Variants in ELOVL2 observed in about 807,000 individuals in gnomAD.
The protein encoded by ELOVL2 is ELOVL fatty acid elongase 2.
In ELOVL2, 38 loss-of-function variants were observed where a neutral mutation model predicts 37.7. The ratio of observed to expected loss-of-function variants is 1.01; its 90% CI spans 0.78 to 1.32. ELOVL2 has a LOEUF of 1.32. Among genes scored for constraint, ELOVL2 ranks in the 40% most tolerant of loss-of-function variants. The probability of loss-of-function intolerance (pLI) is 0.00; values close to 1 mark genes in which losing one functional copy is unlikely to be tolerated. For missense variants in ELOVL2, 352 were observed against 363.6 expected, an observed-to-expected ratio of 0.97 and a Z score of 0.26; for synonymous variants, 115 against 122.3, an observed-to-expected ratio of 0.94 and a Z score of 0.40.
chr6:11,006,582 T>C (rs1009370866), intron 2 of ELOVL2, among the ~76,000 whole-genome samples: 4 of 152,246 alleles, frequency 2.6e-5, no homozygotes, highest in African/African-American at 9.6e-5. Context: ...TAAGTCCCTT[T>C]CTGGTGCATC....
chr6:11,005,411 A>G lies in ELOVL2; in HGVS notation c.216T>C (p.Asn72=), dbSNP rs1180311849. The G allele has an allele frequency of 6.2e-7, 1 of 1,614,000 alleles. No individual in the cohort carries two copies. Among genetic ancestry groups the G allele is most frequent in the African/African-American group, 1.3e-5 (1 of 74,932 alleles). ...LSLRGILTLY[N]LGITLLSAYM... ...ACGCGGAGAGAAGTGTGATTCCAAG[A>G]TTATACAAGGTGAGGATACCCCTGA... Residue 72 remains asparagine, a synonymous_variant, in exon 3 of 8, where the codon AAT becomes AAC. Transcript: ENST00000354666.
chr6:10,985,661 T>TA (rs1200332419), intron 7 of ELOVL2, among the ~76,000 whole-genome samples: 2 of 151,932 alleles, frequency 1.3e-5, no homozygotes, highest in Non-Finnish European at 2.9e-5. Context: ...TAGTTGTAGA[T>TA]ACGCAGCATT....
intron 2 of ELOVL2, 100 bp downstream of exon 2, chr6:11,010,646 A>T: frequency 1.1e-6 from 1 of 949,036 alleles, no homozygotes; most frequent in Non-Finnish European, 1.7e-6. Flanking sequence ...TAAGTACCTT[A>T]CTATTTCCAA....
At chr6:11,008,247 A>G (rs544227010) in intron 2 of ELOVL2, among the ~76,000 whole-genome samples, 34 of 152,338 alleles carry the variant, frequency 2.2e-4, no homozygotes, top group Admixed American at 4.6e-4. Flanking sequence ...CAATTTTACA[A>G]TCTCCTTGCT....
At chr6:10,990,609 C>G (rs12211241) in intron 5 of ELOVL2, among the ~76,000 whole-genome samples, 167 bp from the exon 6 acceptor site, 1 of 151,610 alleles carries the variant, frequency 6.6e-6, no homozygotes, top group South Asian at 2.1e-4. Flanking sequence ...TGTGCCAGTT[C>G]TAGGATTCAC....
chr6:11,041,326 G>A (rs1277725379), intron 1 of ELOVL2, among the ~76,000 whole-genome samples: 1 of 151,920 alleles, frequency 6.6e-6, no homozygotes, highest in Non-Finnish European at 1.5e-5. Flanking sequence ...ATTCTCTTTC[G>A]GAACATGAAA....
chr6:11,016,085 T>C (rs555397273), intron 1 of ELOVL2, among the ~76,000 whole-genome samples: 2 of 141,388 alleles, frequency 1.4e-5, no homozygotes, highest in Admixed American at 1.5e-4. Context: ...AGGATAGGAC[T>C]CTTGATTCCA....
At chr6:10,996,708 A>G (rs1461205842) in intron 4 of ELOVL2, among the ~76,000 whole-genome samples, 3 of 148,570 alleles carry the variant, frequency 2.0e-5, no homozygotes, top group East Asian at 4.0e-4. Context: ...CTGGGCGTGG[A>G]GGCTCACGCC....
intron 1 of ELOVL2, among the ~76,000 whole-genome samples, chr6:11,041,845 G>T (rs1783102477): frequency 6.6e-6 from 1 of 152,022 alleles, no homozygotes; most frequent in Non-Finnish European, 1.5e-5. Context: ...AAGGAAATTT[G>T]AAAGAAAAAA....
At chr6:11,029,461 G>A (rs1782888119) in intron 1 of ELOVL2, among the ~76,000 whole-genome samples, 1 of 152,154 alleles carries the variant, frequency 6.6e-6, no homozygotes. Flanking sequence ...ATCTATGACA[G>A]GCCTGTACAC....
chr6:11,040,370 A>G (rs768195818), intron 1 of ELOVL2, among the ~76,000 whole-genome samples: 2 of 152,198 alleles, frequency 1.3e-5, no homozygotes, highest in Non-Finnish European at 2.9e-5. Context: ...GTGGCCACTG[A>G]GCCGCTGAAA....
At chr6:11,014,282 C>T (rs1011123929) in intron 1 of ELOVL2, among the ~76,000 whole-genome samples, 12 of 152,094 alleles carry the variant, frequency 7.9e-5, no homozygotes, top group African/African-American at 1.2e-4. Context: ...AGTTCGAAAC[C>T]GGTTTGGCCA....
At chr6:11,042,556 T>C (rs1783114755) in intron 1 of ELOVL2, among the ~76,000 whole-genome samples, 1 of 151,906 alleles carries the variant, frequency 6.6e-6, no homozygotes, top group East Asian at 1.9e-4. Context: ...TTCCTACCTA[T>C]ACTTTAGGAC....
intron 5 of ELOVL2, among the ~76,000 whole-genome samples, chr6:10,993,087 A>C (rs905087611): frequency 6.6e-6 from 1 of 151,690 alleles, no homozygotes; most frequent in East Asian, 2.0e-4. Flanking sequence ...TATAACCAAC[A>C]ATACTGAAAA....
At chr6:10,995,890 T>G (rs572226675) in intron 4 of ELOVL2, among the ~76,000 whole-genome samples, 2 of 152,356 alleles carry the variant, frequency 1.3e-5, no homozygotes, top group East Asian at 3.9e-4. Flanking sequence ...AACTTTCCTC[T>G]GCTCTTCTAA....
chr6:11,043,953 G>A lies in ELOVL2; in HGVS notation c.3+275C>T, dbSNP rs561908043. On this transcript the variant is annotated intron_variant, in intron 1 of 7. Transcript: ENST00000354666. ...GCAACAGGGGACTGGGCGCGAGCGG[G>A]CGCCTCGAGGTGCCGGGGCGGGACC... 2.3e-5 allele frequency: 7 copies of A among 304,780 alleles called. No homozygotes were observed. In the South Asian group the frequency reaches 9.4e-4, roughly 41 times the overall value. The allele number at this position is 304,780 out of a possible 1,614,324, so 18.9% of individuals were successfully genotyped here. A position where few individuals can be genotyped will look rare whatever the true frequency, so the allele number is the denominator to read the frequency against.
chr6:11,003,812 C>A (rs1424765761), intron 3 of ELOVL2, among the ~76,000 whole-genome samples: 1 of 151,950 alleles, frequency 6.6e-6, no homozygotes, highest in Non-Finnish European at 1.5e-5. Context: ...CTGGGGGTGG[C>A]GGCTCACGCC....
intron 5 of ELOVL2, 68 bp from the exon 6 acceptor site, chr6:10,990,510 A>G: frequency 6.9e-7 from 1 of 1,448,446 alleles, no homozygotes. Flanking sequence ...TTGTCAAGTG[A>G]GATTCTCTCT....
At chr6:11,025,479 C>T (rs932700770) in intron 1 of ELOVL2, among the ~76,000 whole-genome samples, 2 of 152,148 alleles carry the variant, frequency 1.3e-5, no homozygotes, top group East Asian at 1.9e-4. Context: ...AATTGAGCTA[C>T]TTCAGGCATT....
Sources: allele counts gnomAD v4.1 joint callset (sites outside exome capture counted in the v4.1 genomes callset), GRCh38; gene constraint gnomAD v4.1.1; transcripts MANE v1.5; gene names NCBI Gene and HGNC (gene_info 2026-07-23, HGNC 2026-07-21).